The following CSMD1 variants were observed in gnomAD, a reference collection of about 807,000 sequenced individuals.
CSMD1 encodes the protein CUB and Sushi multiple domains 1, also known as CUB and sushi domain-containing protein 1.
In CSMD1, 213 loss-of-function variants were observed where a neutral mutation model predicts 417.5. The observed-to-expected ratio is 0.51, with a 90% confidence interval of 0.46 to 0.57. The LOEUF is 0.57. CSMD1 is among the 20% of genes least tolerant of loss of function. CSMD1 has a pLI of 0.00. For missense variants in CSMD1, 6,923 were observed against 4,529.7 expected, an observed-to-expected ratio of 1.53 and a Z score of -15.17; for synonymous variants, 2,862 against 1,736.8, an observed-to-expected ratio of 1.65 and a Z score of -16.11.
chr8:4,865,028 G>T (rs1002002493), intron 1 of CSMD1, among the ~76,000 whole-genome samples: 1 of 151,184 alleles, frequency 6.6e-6, no homozygotes, highest in African/African-American at 2.4e-5. Flanking sequence ...TTTTATTTTT[G>T]TGTTTGCTTT....
intron 3 of CSMD1, among the ~76,000 whole-genome samples, chr8:4,186,934 T>G (rs1798713152): frequency 6.6e-6 from 1 of 152,060 alleles, no homozygotes; most frequent in Non-Finnish European, 1.5e-5. Flanking sequence ...AGGCAGAGAT[T>G]GCAGTGAGCT....
chr8:3,378,236 C>T (rs1412189015), intron 18 of CSMD1, among the ~76,000 whole-genome samples: 1 of 152,138 alleles, frequency 6.6e-6, no homozygotes, highest in South Asian at 2.1e-4. Context: ...AAAACAAGTT[C>T]TGAAATTGAA....
chr8:3,275,309 G>A (rs1473769171), intron 26 of CSMD1, among the ~76,000 whole-genome samples: 2 of 152,136 alleles, frequency 1.3e-5, no homozygotes, highest in Non-Finnish European at 2.9e-5. Flanking sequence ...CTGTTAGTCT[G>A]ATGGGCTTCC....
At chr8:4,863,689 G>T (rs1053925103) in intron 1 of CSMD1, among the ~76,000 whole-genome samples, 1 of 152,008 alleles carries the variant, frequency 6.6e-6, no homozygotes, top group African/African-American at 2.4e-5. Context: ...GCATATCTTA[G>T]ATTTAATTAA....
intron 26 of CSMD1, among the ~76,000 whole-genome samples, chr8:3,274,125 G>C (rs1035661517): frequency 6.6e-6 from 1 of 151,704 alleles, no homozygotes; most frequent in Non-Finnish European, 1.5e-5. Flanking sequence ...CTGGTATGTT[G>C]TGTCTTTGTT....
intron 54 of CSMD1, 148 bp from the exon 55 acceptor site, chr8:2,978,948 G>A (rs776140730): frequency 4.6e-5 from 32 of 698,816 alleles, no homozygotes; most frequent in Non-Finnish European, 6.3e-5. Flanking sequence ...CCACTCTCAC[G>A]ATGAATTCTC....
chr8:4,005,130 T>C (rs541981778), intron 4 of CSMD1, among the ~76,000 whole-genome samples: 1 of 151,926 alleles, frequency 6.6e-6, no homozygotes, highest in Non-Finnish European at 1.5e-5. Context: ...ACTTTGGAGA[T>C]TTGGGGGGAA....
intron 3 of CSMD1, among the ~76,000 whole-genome samples, chr8:4,192,290 T>C (rs890818327): frequency 1.3e-5 from 2 of 152,294 alleles, no homozygotes; most frequent in South Asian, 4.1e-4. Context: ...ATTTTAATAG[T>C]TTCATAAAGT....
intron 3 of CSMD1, among the ~76,000 whole-genome samples, chr8:4,406,539 G>C (rs758555413): frequency 6.6e-6 from 1 of 152,160 alleles, no homozygotes; most frequent in African/African-American, 2.4e-5. Flanking sequence ...TAAGAAGTTT[G>C]AGGAGCACAG....
chr8:3,104,075 T>A (rs961786307), intron 46 of CSMD1, among the ~76,000 whole-genome samples: 1 of 152,204 alleles, frequency 6.6e-6, no homozygotes, highest in African/African-American at 2.4e-5. Context: ...GCACATTTGA[T>A]ACATACGTAT....
At chr8:4,895,241 T>A (rs562321006) in intron 1 of CSMD1, among the ~76,000 whole-genome samples, 4 of 152,274 alleles carry the variant, frequency 2.6e-5, no homozygotes, top group South Asian at 4.1e-4. Flanking sequence ...TGAATCACGT[T>A]CAGAGATGAA....
intron 18 of CSMD1, among the ~76,000 whole-genome samples, chr8:3,370,183 G>C (rs1344236302): frequency 6.6e-6 from 1 of 152,138 alleles, no homozygotes; most frequent in Non-Finnish European, 1.5e-5. Flanking sequence ...TAATTTTACA[G>C]ACATCAAGAG....
In CSMD1 at chr8:4,827,878, C is replaced by G. The variant is rs531870638; in HGVS notation, c.85+166454G>C. 1.2e-4 allele frequency among the ~76,000 whole-genome samples: 18 copies of G among 152,256 alleles called. No individual in the cohort carries two copies. In the South Asian group the frequency reaches 2.7e-3, roughly 23 times the overall value. ...CTTGCCCTTTACCATTTTAATCTTT[C>G]TCGTCCTCAAGCAACTGCTTGAAAT... On this transcript the variant is annotated intron_variant, in intron 1 of 69. Transcript: ENST00000635120.
chr8:3,908,883 C>T (rs190562109), intron 5 of CSMD1, among the ~76,000 whole-genome samples: 1 of 152,190 alleles, frequency 6.6e-6, no homozygotes, highest in South Asian at 2.1e-4. Context: ...TAATAACACA[C>T]CTTCCCTAAG....
chr8:3,812,802 T>C (rs930482523), intron 5 of CSMD1, among the ~76,000 whole-genome samples: 3 of 152,220 alleles, frequency 2.0e-5, no homozygotes, highest in Admixed American at 2.0e-4. Context: ...GAATTAACTG[T>C]CTTTCCTTTG....
At chr8:4,320,261 CACA>C (rs1799194198) in intron 3 of CSMD1, among the ~76,000 whole-genome samples, 1 of 152,100 alleles carries the variant, frequency 6.6e-6, no homozygotes, top group Non-Finnish European at 1.5e-5. Context: ...AAATAAGACC[CACA>C]ACAAGTAGGA....
intron 5 of CSMD1, among the ~76,000 whole-genome samples, chr8:3,889,060 T>A (rs557087650): frequency 6.6e-6 from 1 of 152,132 alleles, no homozygotes; most frequent in Non-Finnish European, 1.5e-5. Context: ...GAGCTTAATA[T>A]GTTAACTATC....
chr8:4,787,285 C>T lies in CSMD1; in HGVS notation c.86-149727G>A, dbSNP rs1370124082. 6.0e-6 allele frequency: 4 copies of T among 662,272 alleles called. No individual in the cohort carries two copies. The East Asian group carries it at 8.7e-5, about 14-fold the overall frequency. 41.0% of individuals were successfully genotyped at this position (662,272 alleles called of 1,614,324 possible). Reference sequence around the variant, plus strand: ...CTGATCACCCCTCTTTTCTAGAGCTCTGCCTCACTTACCGGCGCGGTCGCA... The same window carrying T: ...CTGATCACCCCTCTTTTCTAGAGCTTTGCCTCACTTACCGGCGCGGTCGCA... On this transcript the variant is annotated intron_variant, in intron 1 of 69. Transcript: ENST00000635120.
chr8:4,431,686 A>AG (rs1260451423), intron 2 of CSMD1, among the ~76,000 whole-genome samples: 1 of 152,208 alleles, frequency 6.6e-6, no homozygotes, highest in Non-Finnish European at 1.5e-5. Context: ...ATGAAACAAA[A>AG]GAATCCTAAA....
Sources: gnomAD v4.1 joint callset for allele counts (sites outside exome capture counted in the v4.1 genomes callset) on GRCh38, gnomAD v4.1.1 for gene constraint, MANE v1.5 for transcripts, NCBI Gene and HGNC (gene_info 2026-07-23, HGNC 2026-07-21) for gene names.